Variants in OGDHL observed in about 807,000 individuals in gnomAD.
OGDHL encodes the protein 2-oxoglutarate dehydrogenase-like, mitochondrial.
A neutral mutation model predicts 109.6 loss-of-function variants in OGDHL; 79 were observed. The ratio of observed to expected loss-of-function variants is 0.72; its 90% CI spans 0.60 to 0.87. The LOEUF (loss-of-function observed/expected upper bound fraction) is 0.87. OGDHL is among the 40% of genes least tolerant of loss of function. The probability of loss-of-function intolerance (pLI) is 0.00; values close to 1 mark genes in which losing one functional copy is unlikely to be tolerated. For missense variants in OGDHL, 1,275 were observed against 1,362.2 expected (o/e 0.94, Z 1.01); for synonymous variants, 528 against 537.2 (o/e 0.98, Z 0.24).
chr10:49,761,122 C>G (rs1843247525), intron 1 of OGDHL, among the ~76,000 whole-genome samples: 1 of 152,176 alleles, frequency 6.6e-6, no homozygotes, highest in Admixed American at 6.5e-5. Flanking sequence ...GCCAGCCCTA[C>G]TAGTTCCTGC....
At chr10:49,754,117 A>G (rs1227236989) in intron 3 of OGDHL, among the ~76,000 whole-genome samples, 2 of 152,162 alleles carry the variant, frequency 1.3e-5, no homozygotes, top group African/African-American at 2.4e-5. Flanking sequence ...GATTCCTGAA[A>G]GGGCCCAGAA....
Position 49,738,083 on chromosome 10 carries a change from G to A in OGDHL, c.2392-11C>T, listed in dbSNP as rs372405073. The A allele has an allele frequency of 1.4e-5, 23 of 1,614,020 alleles. No individual in the cohort carries two copies. The highest frequency in any genetic ancestry group is 1.1e-4 in the African/African-American group (8 of 74,930). On this transcript the variant is annotated splice_polypyrimidine_tract_variant and intron_variant, in intron 18 of 22. Transcript: ENST00000374103. ...GTCCTTGGTGAATGCCTGTGGGGAC[G>A]AGATGCATATGGCCAGGGTGGCTGT...
chr10:49,747,295 G>A (rs1842266066), intron 8 of OGDHL, 87 bp from the exon 9 acceptor site: 3 of 1,440,230 alleles, frequency 2.1e-6, no homozygotes, highest in Non-Finnish European at 1.9e-6. Context: ...CCCACAGTCA[G>A]GCTGGCACAT....
chr10:49,745,538 G>C (rs995351091), intron 11 of OGDHL, 42 bp from the exon 12 acceptor site: 1 of 1,609,870 alleles, frequency 6.2e-7, no homozygotes, highest in South Asian at 1.1e-5. Context: ...TCCCTACGCT[G>C]TGTGGTCAAT....
At chr10:49,749,277 G>C (rs1258178) in intron 8 of OGDHL, among the ~76,000 whole-genome samples, 61,204 of 152,098 alleles carry the variant, frequency 0.4, 14,254 homozygotes, top group East Asian at 0.89. Flanking sequence ...TCCCAGGGAG[G>C]GGGTGGGAGC....
rs2133012177 is a variant in OGDHL, at chr10:49,743,979, G to A, written c.1861+15C>T. On this transcript the variant is annotated intron_variant, in intron 14 of 22. Transcript: ENST00000374103. The stretch of plus-strand genomic sequence containing the variant: ...GGGCCAGCAGCCTGGGCTGCAGCCT[G>A]TCCAGCAACCTCACCAGTGTGGATC... The A allele has an allele frequency of 6.2e-7, 1 of 1,610,484 alleles. No homozygotes were observed. Among genetic ancestry groups the A allele is most frequent in the South Asian group, 1.1e-5 (1 of 90,886 alleles).
intron 10 of OGDHL, 126 bp downstream of exon 10, chr10:49,746,624 T>A (rs1842202548): frequency 8.7e-6 from 11 of 1,261,700 alleles, no homozygotes; most frequent in Admixed American, 2.2e-5. Flanking sequence ...AAGAGCAGGG[T>A]CCTGCCTGGT....
Position 49,736,432 on chromosome 10 carries a change from C to T in OGDHL, c.2679G>A (p.Lys893=). 6.2e-7 allele frequency: 1 copy of T among 1,614,136 alleles called. No homozygotes were observed. Among genetic ancestry groups the T allele is most frequent in the Non-Finnish European group, 8.5e-7 (1 of 1,180,028 alleles). Residue 893 remains lysine (K), a synonymous_variant, in exon 21 of 23, where the codon AAG becomes AAA. Transcript: ENST00000374103. Reference sequence around the variant, plus strand: ...GCTCCTTCACCAGGTCATAGTACACCTTTCCCGTGCAGAAGATGAGCCGCT... The same window carrying T: ...GCTCCTTCACCAGGTCATAGTACACTTTTCCCGTGCAGAAGATGAGCCGCT... ...QVQRLIFCTG[K]VYYDLVKERS...
At chr10:49,756,699 G>A in intron 3 of OGDHL, 77 bp downstream of exon 3, 1 of 1,398,622 alleles carries the variant, frequency 7.1e-7, no homozygotes, top group Non-Finnish European at 9.6e-7. Flanking sequence ...TTGGAGCTGA[G>A]ACCCCTTCCC....
At chr10:49,750,206 A>T (rs930787831) in intron 7 of OGDHL, among the ~76,000 whole-genome samples, 1 of 152,164 alleles carries the variant, frequency 6.6e-6, no homozygotes, top group Non-Finnish European at 1.5e-5. Flanking sequence ...TGGTCACGGG[A>T]AAAGCCCAGG....
rs1190626345 is a variant in OGDHL, at chr10:49,751,870, C to T, written c.706G>A (p.Glu236Lys). The T allele has an allele frequency of 8.7e-6, 14 of 1,614,040 alleles. No individual in the cohort carries two copies. The highest frequency in any genetic ancestry group is 1.7e-5 in the Admixed American group (1 of 60,004). The change falls in exon 6 of 23, where the codon GAG (glutamate) becomes AAG (lysine). Residue 236 changes from glutamate (E) to lysine (K), a missense_variant. By Grantham distance (56) the Glu-to-Lys change is moderately conservative. Coordinates refer to ENST00000374103, the MANE Select transcript of OGDHL (RefSeq NM_018245.3). ...ETPGVMQFSS[E>K]EKRTLLARLV... ...CGGGCCAGCAGGGTCCGCTTCTCCT[C>T]GCTGGAGAACTGCATCACACCAGGG...
At position 49,739,684 on chromosome 10, in the gene OGDHL, G is replaced by T. The variant is rs752552932; in HGVS notation, c.2296C>A (p.Leu766Met). 8.7e-6 allele frequency: 14 copies of T among 1,613,676 alleles called. No individual in the cohort carries two copies. The highest frequency in any genetic ancestry group is 1.2e-5 in the Non-Finnish European group (14 of 1,179,820). The change falls in exon 17 of 23, where the codon CTG (leucine) becomes ATG (methionine). Residue 766 changes from leucine (L) to methionine (M), a missense_variant. Physicochemically the swap from Leu to Met is conservative, Grantham distance 15. Coordinates refer to ENST00000374103, the MANE Select transcript of OGDHL (RefSeq NM_018245.3). Reference protein sequence around the residue: ...WVRHNGIVLLLPHGMEGMGPE... With the variant: ...WVRHNGIVLLMPHGMEGMGPE... ...ACCATGCCTTCCATGCCATGGGGCA[G>T]CAGCAGCACAATGCCATTATGCCGC...
chr10:49,742,446 A>T (rs1841829153), intron 15 of OGDHL, among the ~76,000 whole-genome samples: 9 of 114,250 alleles, frequency 7.9e-5, no homozygotes, highest in Admixed American at 1.7e-4. Context: ...CAACAAACAC[A>T]CCACACACAC....
intron 9 of OGDHL, 46 bp from the exon 10 acceptor site, chr10:49,746,924 T>C (rs781189788): frequency 7.4e-6 from 12 of 1,612,934 alleles, no homozygotes; most frequent in Non-Finnish European, 1.0e-5. Flanking sequence ...CCCCAGCCCA[T>C]GTAGCCCAGC....
intron 3 of OGDHL, among the ~76,000 whole-genome samples, chr10:49,754,313 G>T (rs979698266): frequency 6.6e-6 from 1 of 152,166 alleles, no homozygotes; most frequent in African/African-American, 2.4e-5. Flanking sequence ...ACAGCAGATT[G>T]AAACTCATCA....
At position 49,747,139 on chromosome 10, in the gene OGDHL, T is replaced by G. The variant is rs35902957; in HGVS notation, c.1057A>C (p.Ile353Leu). The G allele has an allele frequency of 7.8e-4, 1,263 of 1,614,090 alleles. No homozygotes were observed. Among genetic ancestry groups the G allele is most frequent in the Non-Finnish European group, 1.0e-3 (1,218 of 1,180,030 alleles). Reference sequence around the variant, plus strand: ...GGGTTGGCAACCAGCGACAGAGTGATGTTCCGGTTGGTGACGCGGTTGATC... The same window carrying G: ...GGGTTGGCAACCAGCGACAGAGTGAGGTTCCGGTTGGTGACGCGGTTGATC... Reference protein sequence around the residue: ...ERINRVTNRNITLSLVANPSH... With the variant: ...ERINRVTNRNLTLSLVANPSH... The change falls in exon 9 of 23, where the codon ATC (isoleucine) becomes CTC (leucine). Residue 353 changes from isoleucine to leucine, a missense_variant. By Grantham distance (5) the Ile-to-Leu change is conservative (BLOSUM62 2). Transcript: ENST00000374103.
chr10:49,746,323 A>C (rs1371693075), intron 10 of OGDHL, among the ~76,000 whole-genome samples: 2 of 152,184 alleles, frequency 1.3e-5, no homozygotes, highest in Admixed American at 6.5e-5. Flanking sequence ...CATCTATAAA[A>C]AGGGGTCACT....
chr10:49,735,898 C>T, intron 22 of OGDHL, 125 bp downstream of exon 22: 1 of 1,046,204 alleles, frequency 9.6e-7, no homozygotes, highest in South Asian at 2.1e-5. Flanking sequence ...CTGATGATGC[C>T]CCATCATTGC....
At chr10:49,744,824 C>T (rs1842058763) in intron 12 of OGDHL, 72 bp from the exon 13 acceptor site, 6 of 1,229,036 alleles carry the variant, frequency 4.9e-6, no homozygotes, top group Admixed American at 1.7e-5. Context: ...CACTTGGACT[C>T]GTAAGTCCTG....
Sources: allele counts gnomAD v4.1 joint callset (sites outside exome capture counted in the v4.1 genomes callset), GRCh38; gene constraint gnomAD v4.1.1; transcripts MANE v1.5; gene names NCBI Gene and HGNC (gene_info 2026-07-23, HGNC 2026-07-21).